The following PRUNE1 variants were observed in gnomAD, a reference collection of about 807,000 sequenced individuals.
The protein encoded by PRUNE1 is prune exopolyphosphatase 1, also known as exopolyphosphatase PRUNE1.
In PRUNE1, 25 loss-of-function variants were observed where a neutral mutation model predicts 42.5. The observed-to-expected ratio is 0.59, with a 90% CI of 0.43 to 0.82. PRUNE1 has a LOEUF of 0.82. Among genes scored for constraint, PRUNE1 ranks in the 40% least tolerant of loss-of-function variants. The probability of loss-of-function intolerance (pLI) is 0.00; values close to 1 mark genes in which losing one functional copy is unlikely to be tolerated. For missense variants in PRUNE1, 443 were observed against 539.3 expected, an observed-to-expected ratio of 0.82 and a Z score of 1.77; for synonymous variants, 203 against 217.1, an observed-to-expected ratio of 0.93 and a Z score of 0.57.
chr1:151,019,644 C>A (rs1674301951), intron 3 of PRUNE1, among the ~76,000 whole-genome samples: 1 of 148,322 alleles, frequency 6.7e-6, no homozygotes, highest in South Asian at 2.1e-4. Flanking sequence ...TATTTTTTTA[C>A]TTATTATTTA....
At chr1:151,008,742 G>A (rs1571755997) in intron 1 of PRUNE1, 71 bp downstream of exon 1, 1 of 1,579,888 alleles carries the variant, frequency 6.3e-7, no homozygotes, top group African/African-American at 1.3e-5. Flanking sequence ...CGTGGGATCT[G>A]GGGGAGCCTC....
At chr1:151,022,751 T>A (rs1674558513) in intron 3 of PRUNE1, 1 of 151,980 alleles carries the variant, frequency 6.6e-6, no homozygotes, top group Non-Finnish European at 1.5e-5. Context: ...ATTTTTTTTT[T>A]ATGGAACAGT....
At position 151,025,554 on chromosome 1, in the gene PRUNE1, T is replaced by G; in HGVS notation, c.560T>G (p.Ile187Ser). 1 of 1,613,966 alleles carries G rather than the reference T, an allele frequency of 6.2e-7. No homozygotes were observed. Among genetic ancestry groups the G allele is most frequent in the Non-Finnish European group, 8.5e-7 (1 of 1,179,954 alleles). Reference sequence around the variant, plus strand: ...GACTGTGTCAACATGGACCTTAAAATTGGAAAGGCAACCCCAAAGGACAGC... The same window carrying G: ...GACTGTGTCAACATGGACCTTAAAAGTGGAAAGGCAACCCCAAAGGACAGC... The part of the protein sequence containing the change: ...ILDCVNMDLK[I>S]GKATPKDSKY... Residue 187 changes from isoleucine to serine, a missense_variant, in exon 5 of 8, where the codon ATT becomes AGT. Transcript: ENST00000271620.
At chr1:151,013,122 A>G (rs902036158) in intron 1 of PRUNE1, among the ~76,000 whole-genome samples, 1 of 152,230 alleles carries the variant, frequency 6.6e-6, no homozygotes, top group African/African-American at 2.4e-5. Context: ...TGCAACAAGT[A>G]AGAAGCAGAG....
intron 1 of PRUNE1, among the ~76,000 whole-genome samples, chr1:151,010,220 G>A (rs940970301): frequency 2.6e-5 from 4 of 151,878 alleles, no homozygotes; most frequent in Non-Finnish European, 5.9e-5. Flanking sequence ...AAAAAGCTGC[G>A]ACTATAGGCA....
chr1:151,027,747 AGTG>A (rs1198585846), intron 6 of PRUNE1, among the ~76,000 whole-genome samples: 3 of 130,866 alleles, frequency 2.3e-5, no homozygotes, highest in African/African-American at 8.2e-5. Context: ...ACACCTAACT[AGTG>A]TGTGTGTGTG....
intron 3 of PRUNE1, among the ~76,000 whole-genome samples, chr1:151,019,556 C>CAAA (rs61399605): frequency 5.7e-5 from 6 of 106,142 alleles, no homozygotes; most frequent in Admixed American, 1.0e-4. Context: ...GACCCTGTCT[C>CAAA]AAAAAAAAAA....
rs1673509339 is a variant in PRUNE1, at chr1:151,008,687, C to T, written c.39+16C>T. On this transcript the variant is annotated intron_variant, in intron 1 of 7. Coordinates refer to ENST00000271620, the MANE Select transcript of PRUNE1 (RefSeq NM_021222.3). ...TGCTCTGCAGGTAACGAATCCCTGT[C>T]TGTGACTGTAAGGAATGGAGCACGG... 5 of 1,613,698 alleles carry T rather than the reference C, an allele frequency of 3.1e-6. No individual in the cohort carries two copies. The highest frequency in any genetic ancestry group is 2.2e-5 in the East Asian group (1 of 44,856).
rs1413930124 is a variant in PRUNE1 at position 151,018,436 on chromosome 1, T to G, written c.133-31T>G. On this transcript the variant is annotated intron_variant, in intron 2 of 7. Coordinates refer to ENST00000271620, the MANE Select transcript of PRUNE1 (RefSeq NM_021222.3). ...ACTTTTTCCTGTCATTATAAAACCT[T>G]GTGATACCTTCTTTTCACTTTCCTA... The G allele has an allele frequency of 1.9e-6, 3 of 1,555,884 alleles. No individual in the cohort carries two copies. The Admixed American group carries it at 5.0e-5, about 26-fold the overall frequency.
At chr1:151,033,557 AT>A in intron 7 of PRUNE1, among the ~76,000 whole-genome samples, 1 of 151,026 alleles carries the variant, frequency 6.6e-6, no homozygotes. Context: ...TGCCCGGCTA[AT>A]TTTTTGTATT....
rs1675393463 is a variant in PRUNE1 at position 151,033,800 on chromosome 1, C to G, written c.934-6C>G. 1 of 1,611,128 alleles carries G rather than the reference C, an allele frequency of 6.2e-7. No individual in the cohort carries two copies. Among genetic ancestry groups the G allele is most frequent in the Admixed American group, 1.7e-5 (1 of 59,866 alleles). On this transcript the variant is annotated splice_region_variant and splice_polypyrimidine_tract_variant and intron_variant, in intron 7 of 7. Transcript: ENST00000271620. Reference sequence around the variant, plus strand: ...TATCATTTCCCTGTTATTGTCTCCTCTTTAGATCTGTGAAGTCCTGGAACG... The same window carrying G: ...TATCATTTCCCTGTTATTGTCTCCTGTTTAGATCTGTGAAGTCCTGGAACG...
At position 151,024,553 on chromosome 1, in the gene PRUNE1, C is replaced by A; in HGVS notation, c.336-58C>A. 6.0e-6 allele frequency: 9 copies of A among 1,491,774 alleles called. 1 individual carries two copies. In the South Asian group the frequency reaches 1.0e-4, roughly 17 times the overall value. 92.4% of individuals were successfully genotyped at this position (1,491,774 alleles called of 1,614,324 possible). ...GTGTGGGGTAGAGGTTGGCTAGAAG[C>A]AGCTGGAGTGTCCGTACCTATCTTT... On this transcript the variant is annotated intron_variant, in intron 3 of 7. Transcript: ENST00000271620.
In PRUNE1 at chr1:151,034,740, C is replaced by G. The variant is rs587613073; in HGVS notation, c.*506C>G. 1 of 159,388 alleles carries G rather than the reference C, an allele frequency of 6.3e-6. No homozygotes were observed. Among genetic ancestry groups the G allele is most frequent in the African/African-American group, 2.4e-5 (1 of 41,636 alleles). The allele number at this position is 159,388 out of a possible 1,614,324, so 9.9% of individuals were successfully genotyped here. On this transcript the variant is annotated 3_prime_UTR_variant, in exon 8 of 8. Transcript: ENST00000271620. ...CAGTTTTCAGCCTACAGCAGATTAT[C>G]AGCTCGGTGACTTTTCTTTCTGCCA...
intron 1 of PRUNE1, among the ~76,000 whole-genome samples, chr1:151,009,093 A>T (rs1022661401): frequency 2.0e-5 from 3 of 151,900 alleles, no homozygotes; most frequent in Admixed American, 1.3e-4. Flanking sequence ...CGCTTGGCCC[A>T]CTGGCCTCCA....
At chr1:151,023,895 A>G (rs958037836) in intron 3 of PRUNE1, among the ~76,000 whole-genome samples, 1 of 150,072 alleles carries the variant, frequency 6.7e-6, no homozygotes, top group African/African-American at 2.5e-5. Flanking sequence ...CATTAAAGAA[A>G]AGAATTGCTG....
intron 3 of PRUNE1, among the ~76,000 whole-genome samples, chr1:151,023,921 G>A (rs1436388040): frequency 6.6e-6 from 1 of 151,902 alleles, no homozygotes; most frequent in African/African-American, 2.4e-5. Context: ...GGTGGCTCAC[G>A]CCTGTAATCC....
intron 1 of PRUNE1, among the ~76,000 whole-genome samples, chr1:151,013,141 C>G (rs1261711313): frequency 1.3e-5 from 2 of 152,186 alleles, no homozygotes; most frequent in East Asian, 3.9e-4. Context: ...AGCTGGAATT[C>G]AACCCCAAAG....
At chr1:151,027,879 G>T (rs1674976530) in intron 6 of PRUNE1, among the ~76,000 whole-genome samples, 1 of 151,988 alleles carries the variant, frequency 6.6e-6, no homozygotes, top group African/African-American at 2.4e-5. Context: ...GGCCTCCGAA[G>T]TTCTGGGATT....
rs1163803186 is a variant in PRUNE1 at position 151,034,340 on chromosome 1, C to G, written c.*106C>G. On this transcript the variant is annotated 3_prime_UTR_variant, in exon 8 of 8. Transcript: ENST00000271620. The stretch of plus-strand genomic sequence containing the variant: ...AATTCTGTCTTCATTGCTCCAGGAT[C>G]TGGTATACTGTTCTCATAAAACTGA... The G allele has an allele frequency of 5.0e-6, 6 of 1,188,894 alleles. No individual in the cohort carries two copies. In the Admixed American group the frequency reaches 6.9e-5, roughly 14 times the overall value. The allele number at this position is 1,188,894 out of a possible 1,614,324, so 73.6% of individuals were successfully genotyped here.
Sources: allele counts gnomAD v4.1 joint callset (sites outside exome capture counted in the v4.1 genomes callset), GRCh38; gene constraint gnomAD v4.1.1; transcripts MANE v1.5; gene names NCBI Gene and HGNC (gene_info 2026-07-23, HGNC 2026-07-21).